Variants in TSC22D1 observed in about 807,000 individuals in gnomAD.
TSC22D1 encodes TSC22 domain family member 1.
A neutral mutation model predicts 74.2 loss-of-function variants in TSC22D1; 9 were observed. That is an observed-to-expected ratio of 0.12 (90% CI 0.07 to 0.21). TSC22D1 has a LOEUF of 0.21. TSC22D1 is among the 10% of genes least tolerant of loss of function. TSC22D1 has a pLI of 1.00. For missense variants in TSC22D1, 1,427 were observed against 1,304.7 expected, an observed-to-expected ratio of 1.09 and a Z score of -1.44; for synonymous variants, 586 against 492.5, an observed-to-expected ratio of 1.19 and a Z score of -2.51.
At chr13:44,518,411 G>T (rs978627887) in intron 1 of TSC22D1, among the ~76,000 whole-genome samples, 1 of 152,012 alleles carries the variant, frequency 6.6e-6, no homozygotes, top group African/African-American at 2.4e-5. Flanking sequence ...CATGAATGCA[G>T]TATTACTTTC....
chr13:44,445,186 A>C (rs1040819463), intron 1 of TSC22D1, among the ~76,000 whole-genome samples: 2 of 151,922 alleles, frequency 1.3e-5, no homozygotes, highest in South Asian at 4.2e-4. Flanking sequence ...ACAGACATAG[A>C]GTAATGGAAC....
At chr13:44,535,576 T>C (rs896024420) in intron 1 of TSC22D1, among the ~76,000 whole-genome samples, 8 of 151,966 alleles carry the variant, frequency 5.3e-5, no homozygotes, top group Non-Finnish European at 7.4e-5. Context: ...AGTCAGGACT[T>C]TGCAGTCACA....
chr13:44,535,813 T>G (rs1306675904), intron 1 of TSC22D1, among the ~76,000 whole-genome samples: 16 of 151,976 alleles, frequency 1.1e-4, no homozygotes, highest in Admixed American at 1.0e-3. Context: ...TTACTGATGA[T>G]GTAGAGGAGA....
At chr13:44,530,915 C>T (rs573643798) in intron 1 of TSC22D1, among the ~76,000 whole-genome samples, 29 of 152,270 alleles carry the variant, frequency 1.9e-4, no homozygotes, top group African/African-American at 6.7e-4. Flanking sequence ...GGTAAAGTCA[C>T]TTTAGAAGAC....
intron 1 of TSC22D1, among the ~76,000 whole-genome samples, chr13:44,496,318 C>T: frequency 6.6e-6 from 1 of 152,122 alleles, no homozygotes; most frequent in Non-Finnish European, 1.5e-5. Context: ...GAGGCTATTG[C>T]TTAGGCCAGG....
chr13:44,471,832 TAGTTA>T (rs1877623766), intron 1 of TSC22D1, among the ~76,000 whole-genome samples: 1 of 152,200 alleles, frequency 6.6e-6, no homozygotes, highest in Non-Finnish European at 1.5e-5. Flanking sequence ...TCCATAATTT[TAGTTA>T]CCTATACTCC....
At chr13:44,563,057 T>C (rs570289625) in intron 1 of TSC22D1, among the ~76,000 whole-genome samples, 11 of 151,894 alleles carry the variant, frequency 7.2e-5, no homozygotes, top group South Asian at 2.1e-4. Flanking sequence ...TGAGCCAAGA[T>C]TGCATCATTG....
chr13:44,563,205 G>T (rs988228159), intron 1 of TSC22D1, among the ~76,000 whole-genome samples: 1 of 152,096 alleles, frequency 6.6e-6, no homozygotes, highest in Non-Finnish European at 1.5e-5. Flanking sequence ...AATTTTTGGG[G>T]AAATTGGGTT....
At chr13:44,489,429 A>G (rs560489431) in intron 1 of TSC22D1, among the ~76,000 whole-genome samples, 3 of 152,192 alleles carry the variant, frequency 2.0e-5, no homozygotes, top group Admixed American at 6.5e-5. Context: ...TTTAAGTCAC[A>G]TGGAGAGAAG....
Position 44,576,041 on chromosome 13 carries a change from C to T in TSC22D1, c.34G>A (p.Ala12Thr). ...HQPPESTAAA[A>T]AAADISARKM... Reference sequence around the variant, plus strand: ...CTAGCGCTAATGTCTGCAGCGGCGGCGGCCGCGGCGGTGGACTCAGGCGGC... The same window carrying T: ...CTAGCGCTAATGTCTGCAGCGGCGGTGGCCGCGGCGGTGGACTCAGGCGGC... The change falls in exon 1 of 3, where the codon GCC (alanine) becomes ACC (threonine). Residue 12 changes from alanine (A) to threonine (T), a missense_variant. By Grantham distance (58) the Ala-to-Thr change is moderately conservative. This residue lies in a region of TSC22D1 where 1,343 missense variants were observed against 1,191.5 expected (regional missense o/e 1.13). Coordinates refer to ENST00000458659, the MANE Select transcript of TSC22D1 (RefSeq NM_183422.4). 1 of 1,571,606 alleles carries T rather than the reference C, an allele frequency of 6.4e-7. No homozygotes were observed. The highest frequency in any genetic ancestry group is 8.6e-7 in the Non-Finnish European group (1 of 1,160,158).
chr13:44,486,629 A>G (rs1421326004), intron 1 of TSC22D1, among the ~76,000 whole-genome samples: 4 of 152,204 alleles, frequency 2.6e-5, no homozygotes, highest in Non-Finnish European at 5.9e-5. Context: ...GAGAATCCTC[A>G]GCCTCAAAAT....
At chr13:44,565,558 T>TC (rs1203339166) in intron 1 of TSC22D1, among the ~76,000 whole-genome samples, 6 of 152,168 alleles carry the variant, frequency 3.9e-5, no homozygotes, top group Admixed American at 3.9e-4. Flanking sequence ...TTAAAATTTT[T>TC]CAACCTTGTG....
intron 1 of TSC22D1, among the ~76,000 whole-genome samples, chr13:44,456,741 T>C (rs1876680434): frequency 6.6e-6 from 1 of 152,070 alleles, no homozygotes. Context: ...TAGAAAGAGC[T>C]CTTGGAAACT....
At chr13:44,487,448 G>A (rs1444640393) in intron 1 of TSC22D1, among the ~76,000 whole-genome samples, 23 of 127,084 alleles carry the variant, frequency 1.8e-4, no homozygotes, top group East Asian at 5.0e-4. Context: ...GCAGTGAGCC[G>A]CGATCGTGCC....
In TSC22D1 at chr13:44,574,750, A is replaced by C; in HGVS notation, c.1325T>G (p.Val442Gly). The change falls in exon 1 of 3, where the codon GTG (valine) becomes GGG (glycine). Residue 442 changes from valine (V) to glycine (G), a missense_variant. By Grantham distance (109) the Val-to-Gly change is moderately radical (BLOSUM62 -3). Coordinates refer to ENST00000458659, the MANE Select transcript of TSC22D1 (RefSeq NM_183422.4). ...KENAVPATEG[V>G]LINKVVETVK... ...AGTCTCCACCACTTTATTTATCAGCACACCTTCTGTAGCAGGTACAGCATT... is the reference window on the plus strand; with the variant it reads ...AGTCTCCACCACTTTATTTATCAGCCCACCTTCTGTAGCAGGTACAGCATT... 1 of 1,614,122 alleles carries C rather than the reference A, an allele frequency of 6.2e-7. No individual in the cohort carries two copies. The highest frequency in any genetic ancestry group is 8.5e-7 in the Non-Finnish European group (1 of 1,180,040).
rs1298932138 is a variant in TSC22D1 at position 44,575,788 on chromosome 13, T to G, written c.287A>C (p.Gln96Pro). Reference sequence around the variant, plus strand: ...TTGAGTTCCGCCTGGCGCAAGAGGCTGTGCCTGCAGCTGAGCCTGCGAAAG... The same window carrying G: ...TTGAGTTCCGCCTGGCGCAAGAGGCGGTGCCTGCAGCTGAGCCTGCGAAAG... ...NLLSQAQLQA[Q>P]PLAPGGTQMK... The change falls in exon 1 of 3, where the codon CAG (glutamine) becomes CCG (proline). Residue 96 changes from glutamine to proline, a missense_variant. Coordinates refer to ENST00000458659, the MANE Select transcript of TSC22D1 (RefSeq NM_183422.4). 1 of 1,613,024 alleles carries G rather than the reference T, an allele frequency of 6.2e-7. No individual in the cohort carries two copies. Among genetic ancestry groups the G allele is most frequent in the Non-Finnish European group, 8.5e-7 (1 of 1,179,712 alleles).
intron 1 of TSC22D1, among the ~76,000 whole-genome samples, chr13:44,523,649 G>C (rs1170278569): frequency 6.6e-6 from 1 of 152,160 alleles, no homozygotes; most frequent in Admixed American, 6.6e-5. Flanking sequence ...AGAGAAGAAG[G>C]ATTTTGCAAC....
intron 1 of TSC22D1, among the ~76,000 whole-genome samples, chr13:44,524,775 G>C (rs1880472223): frequency 1.3e-5 from 2 of 152,172 alleles, no homozygotes; most frequent in South Asian, 2.1e-4. Context: ...CTGACTTCAA[G>C]TAATCCATCT....
chr13:44,451,350 G>T (rs1249347160), intron 1 of TSC22D1: 1 of 152,262 alleles, frequency 6.6e-6, no homozygotes, highest in East Asian at 1.9e-4. Flanking sequence ...AGGGACGCGT[G>T]TGAGAGCCAA....
Sources: allele counts gnomAD v4.1 joint callset (sites outside exome capture counted in the v4.1 genomes callset), GRCh38; gene constraint gnomAD v4.1.1; regional missense constraint gnomAD v4.1.1; transcripts MANE v1.5; gene names NCBI Gene and HGNC (gene_info 2026-07-23, HGNC 2026-07-21).